NSUN2: variants seen among roughly 807,000 people sequenced by gnomAD.
NSUN2 encodes NOP2/Sun RNA methyltransferase 2.
A neutral mutation model predicts 92.7 loss-of-function variants in NSUN2; 63 were observed. The ratio of observed to expected loss-of-function variants is 0.68; its 90% CI spans 0.56 to 0.84. NSUN2 has a LOEUF of 0.84. Among genes scored for constraint, NSUN2 ranks in the 40% least tolerant of loss-of-function variants. The probability of loss-of-function intolerance (pLI) is 0.00; values close to 1 mark genes in which losing one functional copy is unlikely to be tolerated. For missense variants in NSUN2, 989 were observed against 964.9 expected (o/e 1.02, Z -0.33); for synonymous variants, 356 against 348.3 (o/e 1.02, Z -0.25).
chr5:6,617,899 T>C, intron 8 of NSUN2, 51 bp downstream of exon 8: 1 of 1,385,872 alleles, frequency 7.2e-7, no homozygotes, highest in Non-Finnish European at 1.0e-6. Flanking sequence ...ACAATAAATC[T>C]CTGCTGATCT....
At chr5:6,602,008 T>C (rs1431800532) in intron 18 of NSUN2, among the ~76,000 whole-genome samples, 1 of 152,166 alleles carries the variant, frequency 6.6e-6, no homozygotes, top group Non-Finnish European at 1.5e-5. Flanking sequence ...CGTGGAGCAG[T>C]GGTCCCGTGG....
intron 17 of NSUN2, among the ~76,000 whole-genome samples, chr5:6,603,008 C>T (rs1579352856): frequency 6.6e-6 from 1 of 152,160 alleles, no homozygotes; most frequent in African/African-American, 2.4e-5. Flanking sequence ...AGACAGACTC[C>T]ACAGAGCATG....
chr5:6,605,045 T>C lies in NSUN2; in HGVS notation c.1737+228A>G, dbSNP rs1579355445. The C allele has an allele frequency of 9.9e-5, 62 of 625,130 alleles. No homozygotes were observed. The East Asian group carries it at 1.7e-3, about 17-fold the overall frequency. The allele number at this position is 625,130 out of a possible 1,614,324, so 38.7% of individuals were successfully genotyped here. ...ACCATGGCTCACCCCCCTGCGGGAA[T>C]GGGGCACAGAAAAGACACAGGCCAC... On this transcript the variant is annotated intron_variant, in intron 15 of 18. Coordinates refer to ENST00000264670, the MANE Select transcript of NSUN2 (RefSeq NM_017755.6).
intron 3 of NSUN2, among the ~76,000 whole-genome samples, chr5:6,630,446 C>T (rs1417070005): frequency 1.3e-5 from 2 of 152,172 alleles, no homozygotes; most frequent in East Asian, 1.9e-4. Context: ...TCTGGGATTA[C>T]AGGCGTGTGC....
intron 4 of NSUN2, among the ~76,000 whole-genome samples, chr5:6,624,533 C>T (rs1235295941): frequency 1.3e-5 from 2 of 152,346 alleles, no homozygotes; most frequent in Admixed American, 6.5e-5. Flanking sequence ...ACGCTCTCTT[C>T]CAAGTGCAAA....
chr5:6,617,987 T>C lies in NSUN2; in HGVS notation c.853A>G (p.Lys285Glu). ...AAGCTATTTAAGGTGGTCCACTTTT[T>C]CCAAACATCAATGTTTTTTCTCATA... ...GTMRKNIDVW[K>E]KWTTLNSLQL... Residue 285 changes from lysine (K) to glutamate (E), a missense_variant, in exon 8 of 19, where the codon AAA becomes GAA. Physicochemically the swap from Lys to Glu is moderately conservative, Grantham distance 56 (BLOSUM62 1). Transcript: ENST00000264670. 6.2e-7 allele frequency: 1 copy of C among 1,613,880 alleles called. No homozygotes were observed. The highest frequency in any genetic ancestry group is 2.2e-5 in the East Asian group (1 of 44,850).
In NSUN2 at chr5:6,607,190, C is replaced by T; in HGVS notation, c.1508+10G>A. 6.2e-7 allele frequency: 1 copy of T among 1,613,748 alleles called. No individual in the cohort carries two copies. The highest frequency in any genetic ancestry group is 1.7e-4 in the Middle Eastern group (1 of 6,058). On this transcript the variant is annotated intron_variant, in intron 13 of 18. Coordinates refer to ENST00000264670, the MANE Select transcript of NSUN2 (RefSeq NM_017755.6). Reference sequence around the variant, plus strand: ...AGCGTATTAGATCAAGACATAACCACTTTTCTTACCCACACACGCCATCTT... The same window carrying T: ...AGCGTATTAGATCAAGACATAACCATTTTTCTTACCCACACACGCCATCTT...
At chr5:6,632,100 T>C in intron 2 of NSUN2, 123 bp from the exon 3 acceptor site, 1 of 722,500 alleles carries the variant, frequency 1.4e-6, no homozygotes, top group East Asian at 2.6e-5. Context: ...AGAGTAAACA[T>C]TCTTTAGTCA....
At chr5:6,604,799 A>C in intron 15 of NSUN2, 114 bp from the exon 16 acceptor site, 14 of 837,402 alleles carry the variant, frequency 1.7e-5, no homozygotes, top group Admixed American at 2.2e-5. Context: ...GAGGAGAAGC[A>C]GAAACCCACC....
chr5:6,620,379 A>G (rs1314389185), intron 6 of NSUN2, 81 bp from the exon 7 acceptor site: 1 of 1,084,284 alleles, frequency 9.2e-7, no homozygotes, highest in Admixed American at 2.9e-5. Context: ...TCCAAAGGTC[A>G]GCCAGTGAGA....
At chr5:6,629,190 A>AATTC (rs1263088159) in intron 3 of NSUN2, among the ~76,000 whole-genome samples, 1 of 152,250 alleles carries the variant, frequency 6.6e-6, no homozygotes, top group African/African-American at 2.4e-5. Context: ...GGCAGAGAGC[A>AATTC]ATTCACCTTC....
chr5:6,614,926 C>T (rs1312926861), intron 9 of NSUN2, among the ~76,000 whole-genome samples: 1 of 152,072 alleles, frequency 6.6e-6, no homozygotes, highest in Admixed American at 6.5e-5. Flanking sequence ...ACTCAGGAGA[C>T]CTGGCTTTTG....
intron 6 of NSUN2, chr5:6,620,708 G>A (rs910048267): frequency 5.2e-5 from 8 of 153,634 alleles, no homozygotes; most frequent in African/African-American, 1.9e-4. Flanking sequence ...CAGGCTCCTA[G>A]GGTGGGGCCC....
At chr5:6,632,373 ATCT>A (rs1462808108) in intron 2 of NSUN2, among the ~76,000 whole-genome samples, 2 of 152,116 alleles carry the variant, frequency 1.3e-5, no homozygotes, top group African/African-American at 4.8e-5. Context: ...CAGGAGCCGA[ATCT>A]TCCTCAGATC....
chr5:6,618,890 G>C (rs1296720365), intron 7 of NSUN2, among the ~76,000 whole-genome samples: 4 of 152,122 alleles, frequency 2.6e-5, no homozygotes, highest in Non-Finnish European at 4.4e-5. Context: ...TGATGGTCTA[G>C]CCGCGTGTAC....
intron 18 of NSUN2, 22 bp from the exon 19 acceptor site, chr5:6,600,254 T>C: frequency 6.9e-6 from 11 of 1,601,254 alleles, no homozygotes; most frequent in Non-Finnish European, 8.5e-6. Context: ...AGTGGCTTCA[T>C]GTAGAACATT....
At chr5:6,621,851 G>C (rs184442502) in intron 6 of NSUN2, 165 bp downstream of exon 6, 2 of 603,058 alleles carry the variant, frequency 3.3e-6, no homozygotes, top group Non-Finnish European at 6.0e-6. Context: ...TACTACTGAC[G>C]GTGGTAGGCA....
At chr5:6,616,976 A>C (rs1052250174) in intron 8 of NSUN2, 119 bp from the exon 9 acceptor site, 1 of 875,440 alleles carries the variant, frequency 1.1e-6, no homozygotes, top group African/African-American at 1.7e-5. Flanking sequence ...ATACTTAAAA[A>C]AAACCTTCCA....
In NSUN2 at chr5:6,617,108, A is replaced by G. The variant is rs145413461; in HGVS notation, c.891-251T>C. 2.9e-3 allele frequency among the ~76,000 whole-genome samples: 449 copies of G among 152,332 alleles called. 2 individuals carry two copies. Among genetic ancestry groups the G allele is most frequent in the African/African-American group, 0.01 (420 of 41,558 alleles). ...CCCAATATGTCAACCAGCAGAGTAT[A>G]AAGTTCAGTAACAACAGAATTCAAT... On this transcript the variant is annotated intron_variant, in intron 8 of 18. Coordinates refer to ENST00000264670, the MANE Select transcript of NSUN2 (RefSeq NM_017755.6).
Sources: allele counts gnomAD v4.1 joint callset (sites outside exome capture counted in the v4.1 genomes callset), GRCh38; gene constraint gnomAD v4.1.1; transcripts MANE v1.5; gene names NCBI Gene and HGNC (gene_info 2026-07-23, HGNC 2026-07-21).